MKLN1: variants seen among roughly 807,000 people sequenced by gnomAD.
MKLN1 encodes muskelin.
A neutral mutation model predicts 99.0 loss-of-function variants in MKLN1; 18 were observed. The observed-to-expected ratio is 0.18, with a 90% CI of 0.13 to 0.27. The LOEUF is 0.27. Ranked by LOEUF, MKLN1 falls within the 10% of genes least tolerant of loss-of-function variation. The pLI is 1.00. For synonymous variants in MKLN1, 288 were observed against 293.2 expected (o/e 0.98, Z 0.18); for missense variants, 621 against 875.9 (o/e 0.71, Z 3.67).
chr7:131,379,536 C>A (rs1291022535), intron 2 of MKLN1, among the ~76,000 whole-genome samples: 1 of 151,750 alleles, frequency 6.6e-6, no homozygotes, highest in African/African-American at 2.4e-5. Context: ...CCACTAAGCA[C>A]AGATAGAAAA....
At chr7:131,167,101 G>A (rs1796137309) in intron 2 of MKLN1, among the ~76,000 whole-genome samples, 1 of 151,894 alleles carries the variant, frequency 6.6e-6, no homozygotes, top group South Asian at 2.1e-4. Flanking sequence ...GTACTGATCA[G>A]CATCTGACAT....
rs1584697820 is a variant in MKLN1 at position 131,399,127 on chromosome 7, A to G, written c.511-114A>G. 4 of 883,506 alleles carry G rather than the reference A, an allele frequency of 4.5e-6. No individual in the cohort carries two copies. The Middle Eastern group carries it at 8.8e-4, about 194-fold the overall frequency. The allele number at this position is 883,506 out of a possible 1,614,324, so 54.7% of individuals were successfully genotyped here. A position where few individuals can be genotyped will look rare whatever the true frequency, so the allele number is the denominator to read the frequency against. On this transcript the variant is annotated intron_variant, in intron 5 of 17. Coordinates refer to ENST00000352689, the MANE Select transcript of MKLN1 (RefSeq NM_013255.5). The stretch of plus-strand genomic sequence containing the variant: ...GAATCAGGTTAGTAAACTGCTTGGC[A>G]CATAGTGTTAATAAATGCTCAGTGT...
chr7:131,213,676 C>G (rs899604464), intron 3 of MKLN1, among the ~76,000 whole-genome samples: 11 of 152,178 alleles, frequency 7.2e-5, no homozygotes, highest in African/African-American at 2.7e-4. Context: ...AACTACAGGT[C>G]TTAGGATTCA....
Position 131,429,068 on chromosome 7 carries a change from C to G in MKLN1, c.883C>G (p.Gln295Glu). Reference sequence around the variant, plus strand: ...TTTGTTTGGTGGCTGGGATGGAACACAAGATCTTGCTGACTTCTGGGCGTA... The same window carrying G: ...TTTGTTTGGTGGCTGGGATGGAACAGAAGATCTTGCTGACTTCTGGGCGTA... ...VYLFGGWDGTQDLADFWAYSV... is the reference protein window; with the variant it reads ...VYLFGGWDGTEDLADFWAYSV... The change falls in exon 9 of 18, where the codon CAA becomes GAA. Residue 295 changes from glutamine to glutamate, a missense_variant. Physicochemically the swap from Gln to Glu is conservative, Grantham distance 29. Coordinates refer to ENST00000352689, the MANE Select transcript of MKLN1 (RefSeq NM_013255.5). 6.2e-7 allele frequency: 1 copy of G among 1,613,810 alleles called. No homozygotes were observed. Among genetic ancestry groups the G allele is most frequent in the Non-Finnish European group, 8.5e-7 (1 of 1,179,900 alleles).
intron 12 of MKLN1, among the ~76,000 whole-genome samples, chr7:131,461,238 T>G (rs1218082686): frequency 1.4e-5 from 2 of 140,936 alleles, no homozygotes; most frequent in Non-Finnish European, 3.0e-5. Context: ...CATTTATGGG[T>G]TTTGTTTTTT....
intron 2 of MKLN1, among the ~76,000 whole-genome samples, chr7:131,150,836 A>G (rs17165465): frequency 0.056 from 8,535 of 151,918 alleles, 313 homozygotes; most frequent in East Asian, 0.23. Flanking sequence ...GGGTTTATTT[A>G]GGAGAAAACG....
rs1300578083 is a variant in MKLN1 at position 131,275,551 on chromosome 7, ATATATATATATATATATTTTTTTTTTT to A, written c.-179+72579_-179+72605del. Among the ~76,000 whole-genome samples the A allele has an allele frequency of 5.5e-3, 85 of 15,390 alleles. 5 individuals carry two copies. The highest frequency in any genetic ancestry group is 0.017 in the African/African-American group (77 of 4,646). 10.1% of individuals were successfully genotyped at this position (15,390 alleles called of 152,430 possible). A position where few individuals can be genotyped will look rare whatever the true frequency, so the allele number is the denominator to read the frequency against. On this transcript the variant is annotated intron_variant, in intron 3 of 7. Coordinates refer to the MKLN1 transcript ENST00000416992. ...GCCCAGCTGATATATATATATATAT[ATATATATATATATATATTTTTTTTTTT>A]TTTTTTTTTTTTTTGGTACTTTTTT...
intron 17 of MKLN1, among the ~76,000 whole-genome samples, chr7:131,480,890 A>G (rs954676518): frequency 1.3e-5 from 2 of 152,216 alleles, no homozygotes; most frequent in African/African-American, 4.8e-5. Flanking sequence ...ACTTATTTTT[A>G]GCCTTTAGAA....
chr7:131,346,446 C>G (rs1371182694), intron 1 of MKLN1, among the ~76,000 whole-genome samples: 1 of 151,618 alleles, frequency 6.6e-6, no homozygotes, highest in African/African-American at 2.4e-5. Flanking sequence ...TCCTTGAACC[C>G]GGGAGGCGGA....
chr7:131,275,751 G>C (rs889728576), intron 3 of MKLN1, among the ~76,000 whole-genome samples: 5 of 150,826 alleles, frequency 3.3e-5, no homozygotes, highest in Non-Finnish European at 7.4e-5. Flanking sequence ...TATTGGTTAG[G>C]ATATCAACAT....
chr7:131,412,770 A>T (rs976932764), intron 7 of MKLN1, among the ~76,000 whole-genome samples: 2 of 152,334 alleles, frequency 1.3e-5, no homozygotes. Context: ...TGTTAAAGGA[A>T]GGCAGTTCTA....
intron 2 of MKLN1, among the ~76,000 whole-genome samples, chr7:131,382,271 A>G (rs1187551867): frequency 6.6e-6 from 1 of 152,122 alleles, no homozygotes; most frequent in African/African-American, 2.4e-5. Context: ...AGGCTGAGGC[A>G]CAAGAATCAC....
At chr7:131,150,316 G>A (rs1329617117) in intron 2 of MKLN1, among the ~76,000 whole-genome samples, 1 of 152,026 alleles carries the variant, frequency 6.6e-6, no homozygotes, top group Non-Finnish European at 1.5e-5. Context: ...GCAAAACCCT[G>A]TCTCTACAAA....
chr7:131,480,950 C>A (rs1797107427), intron 17 of MKLN1, among the ~76,000 whole-genome samples: 1 of 152,214 alleles, frequency 6.6e-6, no homozygotes, highest in Non-Finnish European at 1.5e-5. Context: ...GTGGTGTCAG[C>A]AAATATTTTA....
intron 3 of MKLN1, among the ~76,000 whole-genome samples, chr7:131,266,568 G>A (rs901953425): frequency 1.3e-5 from 2 of 152,102 alleles, no homozygotes; most frequent in East Asian, 1.9e-4. Flanking sequence ...AAGCACTCAC[G>A]TAACATAGTT....
At chr7:131,405,502 T>C (rs1794676348) in intron 6 of MKLN1, among the ~76,000 whole-genome samples, 1 of 152,132 alleles carries the variant, frequency 6.6e-6, no homozygotes, top group African/African-American at 2.4e-5. Context: ...TTGAGATTAA[T>C]TTGCTGTCTT....
At chr7:131,334,693 G>A (rs1284223121) in intron 1 of MKLN1, among the ~76,000 whole-genome samples, 2 of 152,152 alleles carry the variant, frequency 1.3e-5, no homozygotes, top group Non-Finnish European at 2.9e-5. Flanking sequence ...CAAAGACTTT[G>A]TGATGTTTTA....
chr7:131,477,937 C>G (rs28635531), intron 16 of MKLN1, among the ~76,000 whole-genome samples: 2,509 of 152,176 alleles, frequency 0.016, 48 homozygotes, highest in African/African-American at 0.055. Flanking sequence ...TTATTTTGTG[C>G]CTATTTGTTA....
chr7:131,419,862 T>C (rs915118177), intron 8 of MKLN1, among the ~76,000 whole-genome samples: 1 of 152,190 alleles, frequency 6.6e-6, no homozygotes, highest in African/African-American at 2.4e-5. Context: ...TTTAGGACTT[T>C]AACCTACATG....
Sources: gnomAD v4.1 joint callset for allele counts (sites outside exome capture counted in the v4.1 genomes callset) on GRCh38, gnomAD v4.1.1 for gene constraint, MANE v1.5 for transcripts, NCBI Gene and HGNC (gene_info 2026-07-23, HGNC 2026-07-21) for gene names.